The following NEMP2 variants were observed in gnomAD, a reference collection of about 807,000 sequenced individuals.
NEMP2 encodes the protein UPF0571 transmembrane protein.
NEMP2 carries 53 observed loss-of-function variants against 54.2 expected under a neutral mutation model. That is an observed-to-expected ratio of 0.98 (90% CI 0.78 to 1.23). The LOEUF (loss-of-function observed/expected upper bound fraction) is 1.23. NEMP2 is among the 50% of genes most tolerant of loss of function. NEMP2 has a pLI of 0.00. For synonymous variants in NEMP2, 197 were observed against 190.3 expected, an observed-to-expected ratio of 1.04 and a Z score of -0.29; for missense variants, 455 against 511.3, an observed-to-expected ratio of 0.89 and a Z score of 1.06.
the NEMP2 span, among the ~76,000 whole-genome samples, chr2:190,453,611 A>G: frequency 6.6e-6 from 1 of 152,246 alleles, no homozygotes; most frequent in African/African-American, 2.4e-5. Flanking sequence ...TAACGTGGGC[A>G]TAAAAATTAC....
chr2:190,476,852 C>T, the NEMP2 span, among the ~76,000 whole-genome samples: 24 of 152,152 alleles, frequency 1.6e-4, no homozygotes, highest in South Asian at 5.0e-3. Context: ...GGCACATATA[C>T]ACCATGGAGT....
chr2:190,550,470 G>T, the NEMP2 span, among the ~76,000 whole-genome samples: 1 of 152,048 alleles, frequency 6.6e-6, no homozygotes, highest in Non-Finnish European at 1.5e-5. The surrounding 1 kb of genome is among the most constrained non-coding windows in gnomAD (Gnocchi z 4.7). Context: ...TATAAATTTT[G>T]GGGGGACACA....
At chr2:190,642,366 G>A in the NEMP2 span, among the ~76,000 whole-genome samples, 1 of 152,106 alleles carries the variant, frequency 6.6e-6, no homozygotes, top group Non-Finnish European at 1.5e-5. This position sits in a 1 kb window ranked among gnomAD's most constrained non-coding sequence, Gnocchi z 4.1. Flanking sequence ...AAAAGAGGAT[G>A]AACTAGGTAA....
Position 190,510,013 on chromosome 2 carries a change from C to G in NEMP2, c.1130+348G>C, listed in dbSNP as rs1326648403. Among the ~76,000 whole-genome samples, 3 of 152,202 alleles carry G rather than the reference C, an allele frequency of 2.0e-5. No individual in the cohort carries two copies. The highest frequency in any genetic ancestry group is 4.4e-5 in the Non-Finnish European group (3 of 68,034). ...CTGAGATTGCACCATTGCACTCCAGCCTGGGTGACAGAGCAAGACTCCATC... is the reference window on the plus strand; with the variant it reads ...CTGAGATTGCACCATTGCACTCCAGGCTGGGTGACAGAGCAAGACTCCATC... On this transcript the variant is annotated intron_variant, in intron 8 of 8. Transcript: ENST00000409150. This position sits in a 1 kb window ranked among gnomAD's most constrained non-coding sequence, Gnocchi z 5.7.
At chr2:190,587,263 C>A in the NEMP2 span, among the ~76,000 whole-genome samples, 7 of 152,174 alleles carry the variant, frequency 4.6e-5, no homozygotes, top group African/African-American at 1.2e-4. This position sits in a 1 kb window ranked among gnomAD's most constrained non-coding sequence, Gnocchi z 5.4. Flanking sequence ...GAGCAAAGGG[C>A]AGGCGTACTT....
At chr2:190,621,982 C>T in the NEMP2 span, among the ~76,000 whole-genome samples, 2 of 152,282 alleles carry the variant, frequency 1.3e-5, no homozygotes, top group South Asian at 4.1e-4. Flanking sequence ...TGGCATTCAC[C>T]TGTAGTCCCA....
the NEMP2 span, among the ~76,000 whole-genome samples, chr2:190,541,061 T>C: frequency 6.6e-6 from 1 of 152,096 alleles, no homozygotes; most frequent in African/African-American, 2.4e-5. This position sits in a 1 kb window ranked among gnomAD's most constrained non-coding sequence, Gnocchi z 5.2. Context: ...TGGTCTCAGT[T>C]GTTATGTCTC....
At chr2:190,422,996 A>G in the NEMP2 span, among the ~76,000 whole-genome samples, 12 of 152,198 alleles carry the variant, frequency 7.9e-5, no homozygotes, top group Admixed American at 7.9e-4. Flanking sequence ...AAAATACATT[A>G]TCAGCACCCC....
At chr2:190,442,107 G>T in the NEMP2 span, among the ~76,000 whole-genome samples, 1 of 152,110 alleles carries the variant, frequency 6.6e-6, no homozygotes, top group African/African-American at 2.4e-5. Context: ...CCTTAAGGGA[G>T]GATTAATTCT....
At chr2:190,453,995 A>AG in the NEMP2 span, 1 of 152,232 alleles carries the variant, frequency 6.6e-6, no homozygotes, top group African/African-American at 2.4e-5. Context: ...TATCTTTTAT[A>AG]GGGAAAATGT....
At chr2:190,601,207 C>T in the NEMP2 span, among the ~76,000 whole-genome samples, 1 of 152,066 alleles carries the variant, frequency 6.6e-6, no homozygotes, top group Non-Finnish European at 1.5e-5. This position sits in a 1 kb window ranked among gnomAD's most constrained non-coding sequence, Gnocchi z 5.8. Flanking sequence ...ACAGAGAGAA[C>T]ACTGTGTGAA....
chr2:190,595,011 T>G, the NEMP2 span, among the ~76,000 whole-genome samples: 1 of 152,266 alleles, frequency 6.6e-6, no homozygotes, highest in South Asian at 2.1e-4. This position sits in a 1 kb window ranked among gnomAD's most constrained non-coding sequence, Gnocchi z 4.0. Context: ...TGGTATCATA[T>G]CATATATGCA....
the NEMP2 span, among the ~76,000 whole-genome samples, chr2:190,478,105 C>A: frequency 6.6e-6 from 1 of 152,146 alleles, no homozygotes; most frequent in Admixed American, 6.5e-5. Context: ...GGGATATTAT[C>A]CCAGGATTTA....
chr2:190,430,806 C>G, the NEMP2 span, among the ~76,000 whole-genome samples: 29 of 146,286 alleles, frequency 2.0e-4, 1 homozygote, highest in South Asian at 3.3e-3. Context: ...GCGCCCCCCC[C>G]ACCTCCCTCC....
chr2:190,543,413 C>T, the NEMP2 span, among the ~76,000 whole-genome samples: 3 of 152,204 alleles, frequency 2.0e-5, no homozygotes, highest in Non-Finnish European at 2.9e-5. This position sits in a 1 kb window ranked among gnomAD's most constrained non-coding sequence, Gnocchi z 4.7. Context: ...ACAGTTTTTA[C>T]ACTGGAAAAG....
chr2:190,644,121 A>G, the NEMP2 span, among the ~76,000 whole-genome samples: 1 of 151,940 alleles, frequency 6.6e-6, no homozygotes, highest in South Asian at 2.1e-4. The surrounding 1 kb of genome is among the most constrained non-coding windows in gnomAD (Gnocchi z 4.4). Flanking sequence ...TTCTAGCTAT[A>G]TACTGAGGCC....
the NEMP2 span, among the ~76,000 whole-genome samples, chr2:190,572,847 A>ATATATATATATG: frequency 9.2e-6 from 1 of 109,232 alleles, no homozygotes; most frequent in Non-Finnish European, 1.9e-5. Flanking sequence ...ATATATATAT[A>ATATATATATATG]TATATATATA....
chr2:190,587,444 T>G, the NEMP2 span, among the ~76,000 whole-genome samples: 14 of 152,156 alleles, frequency 9.2e-5, no homozygotes. This position sits in a 1 kb window ranked among gnomAD's most constrained non-coding sequence, Gnocchi z 5.4. Context: ...ATGTGAGTAA[T>G]AAGCCATTCT....
upstream of NEMP2, among the ~76,000 whole-genome samples, chr2:190,538,730 G>A (rs781289519): frequency 4.6e-5 from 7 of 151,286 alleles, no homozygotes; most frequent in African/African-American, 1.2e-4. The surrounding 1 kb of genome is among the most constrained non-coding windows in gnomAD (Gnocchi z 4.1). Context: ...ACATTTTTTC[G>A]TATACCTGTT....
Sources: gnomAD v4.1 joint callset for allele counts (sites outside exome capture counted in the v4.1 genomes callset) on GRCh38, gnomAD v4.1.1 for gene constraint, Gnocchi (gnomAD v3.1) non-coding constraint, MANE v1.5 for transcripts, NCBI Gene and HGNC (gene_info 2026-07-23, HGNC 2026-07-21) for gene names.